The following ATP5F1B variants were observed in gnomAD, a reference collection of about 807,000 sequenced individuals.
The protein encoded by ATP5F1B is ATP synthase F(1) complex subunit beta, mitochondrial.
Under a neutral mutation model 45.9 loss-of-function variants are expected in ATP5F1B, and 17 were observed. That is an observed-to-expected ratio of 0.37 (90% CI 0.25 to 0.56). The LOEUF is 0.56. Among genes scored for constraint, ATP5F1B ranks in the 20% least tolerant of loss-of-function variants. The pLI is 0.80. For missense variants in ATP5F1B, 387 were observed against 673.2 expected (o/e 0.57, Z 4.70); for synonymous variants, 218 against 256.5 (o/e 0.85, Z 1.43).
At chr12:56,642,394 T>G in intron 7 of ATP5F1B, 64 bp downstream of exon 7, 2 of 1,600,838 alleles carry the variant, frequency 1.2e-6, no homozygotes, top group Non-Finnish European at 1.7e-6. Context: ...CCTCAGTAGC[T>G]GAGATGCACC....
At position 56,643,908 on chromosome 12, in the gene ATP5F1B, T is replaced by G; in HGVS notation, c.536A>C (p.Glu179Ala). ...EAPEFMEMSVEQEILVTGIKV... is the reference protein window; with the variant it reads ...EAPEFMEMSVAQEILVTGIKV... ...GATACCAGTCACCAGAATTTCCTGC[T>G]CAACACTCATTTCCATGAACTCTGG... Residue 179 changes from glutamate to alanine, a missense_variant, in exon 4 of 10, where the codon GAG (glutamate) becomes GCG (alanine). Physicochemically the swap from Glu to Ala is moderately radical, Grantham distance 107. Transcript: ENST00000262030. The G allele has an allele frequency of 6.2e-7, 1 of 1,614,208 alleles. No homozygotes were observed. The highest frequency in any genetic ancestry group is 8.5e-7 in the Non-Finnish European group (1 of 1,180,034).
At position 56,640,231 on chromosome 12, in the gene ATP5F1B, A is replaced by AAT. The variant is rs1951501972; in HGVS notation, c.1075-40_1075-39insAT. The AAT allele has an allele frequency of 3.7e-6, 5 of 1,367,956 alleles. No homozygotes were observed. In the East Asian group the frequency reaches 7.7e-5, roughly 21 times the overall value. The allele number at this position is 1,367,956 out of a possible 1,614,324, so 84.7% of individuals were successfully genotyped here. On this transcript the variant is annotated intron_variant, in intron 7 of 9. Coordinates refer to ENST00000262030, the MANE Select transcript of ATP5F1B (RefSeq NM_001686.4). ...CCATGAAGAACAGGAACCAAAGTAAATTTTTTTTTTTTTTTTTGAGAGGGT... is the reference window on the plus strand; with the variant it reads ...CCATGAAGAACAGGAACCAAAGTAAAATTTTTTTTTTTTTTTTTTGAGAGGGT...
intron 5 of ATP5F1B, 166 bp downstream of exon 5, chr12:56,643,237 A>T: frequency 1.8e-6 from 1 of 559,060 alleles, no homozygotes. Flanking sequence ...GTTGGGGGGG[A>T]AAACACTAAC....
In ATP5F1B at chr12:56,640,138, C is replaced by T. The variant is rs943527181; in HGVS notation, c.1129G>A (p.Ala377Thr). Residue 377 changes from alanine to threonine, a missense_variant, in exon 8 of 10, where the codon GCC becomes ACC. Ala to Thr is a moderately conservative substitution (Grantham distance 58). This residue lies in a region of ATP5F1B where 154 missense variants were observed against 361.4 expected (regional missense o/e 0.43). Transcript: ENST00000262030. Reference sequence around the variant, plus strand: ...AGTACAGTGGTAGCATCCAAATGGGCAAACGTAGTAGCAGGGGCAGGGTCA... The same window carrying T: ...AGTACAGTGGTAGCATCCAAATGGGTAAACGTAGTAGCAGGGGCAGGGTCA... ...LTDPAPATTFAHLDATTVLSR... is the reference protein window; with the variant it reads ...LTDPAPATTFTHLDATTVLSR... 6.2e-7 allele frequency: 1 copy of T among 1,613,910 alleles called. No homozygotes were observed. The highest frequency in any genetic ancestry group is 1.7e-5 in the Admixed American group (1 of 59,986).
At chr12:56,641,643 C>T (rs1951512851) in intron 7 of ATP5F1B, among the ~76,000 whole-genome samples, 1 of 151,892 alleles carries the variant, frequency 6.6e-6, no homozygotes, top group Admixed American at 6.6e-5. Context: ...CTCCGCCTCC[C>T]AGGTTCAAGC....
chr12:56,638,670 C>T (rs1274340351), intron 9 of ATP5F1B, among the ~76,000 whole-genome samples: 1 of 152,122 alleles, frequency 6.6e-6, no homozygotes, highest in South Asian at 2.1e-4. Context: ...CCAAGGCAGG[C>T]GGATCACCTA....
intron 7 of ATP5F1B, 95 bp downstream of exon 7, chr12:56,642,359 TCAAG>T: frequency 6.5e-7 from 1 of 1,530,212 alleles, no homozygotes; most frequent in Non-Finnish European, 8.9e-7. Flanking sequence ...TCTCTTGGGC[TCAAG>T]CAATCTTCCT....
At position 56,644,705 on chromosome 12, in the gene ATP5F1B, G is replaced by C. The variant is rs1951537482; in HGVS notation, c.485+76C>G. 2.0e-6 allele frequency: 3 copies of C among 1,474,626 alleles called. No individual in the cohort carries two copies. The East Asian group carries it at 6.9e-5, about 34-fold the overall frequency. The allele number at this position is 1,474,626 out of a possible 1,614,324, so 91.3% of individuals were successfully genotyped here. A position where few individuals can be genotyped will look rare whatever the true frequency, so the allele number is the denominator to read the frequency against. On this transcript the variant is annotated intron_variant, in intron 3 of 9. Coordinates refer to ENST00000262030, the MANE Select transcript of ATP5F1B (RefSeq NM_001686.4). ...TCAGAAGAAAAATTCTGCTTTAGGAGAACATGTCACCTTAATGTGTAAAAC... is the reference window on the plus strand; with the variant it reads ...TCAGAAGAAAAATTCTGCTTTAGGACAACATGTCACCTTAATGTGTAAAAC...
chr12:56,645,006 A>T, intron 2 of ATP5F1B, 51 bp from the exon 3 acceptor site: 1 of 1,613,660 alleles, frequency 6.2e-7, no homozygotes, highest in Non-Finnish European at 8.5e-7. Flanking sequence ...ATTGGTATCA[A>T]GACCTAAATC....
At position 56,642,486 on chromosome 12, in the gene ATP5F1B, G is replaced by T; in HGVS notation, c.1046C>A (p.Thr349Asn). The stretch of plus-strand genomic sequence containing the variant: ...TACAGAGGTGATAGATCCCTTCTTG[G>T]TAGTGGTAATTCTTTCCTGCATAGT... The part of the protein sequence containing the change: ...MGTMQERITT[T>N]KKGSITSVQA... The change falls in exon 7 of 10, where the codon ACC becomes AAC. Residue 349 changes from threonine to asparagine, a missense_variant. By Grantham distance (65) the Thr-to-Asn change is moderately conservative. This residue lies in a region of ATP5F1B where 154 missense variants were observed against 361.4 expected (regional missense o/e 0.43). Transcript: ENST00000262030. 2.5e-6 allele frequency: 4 copies of T among 1,613,986 alleles called. No homozygotes were observed. The highest frequency in any genetic ancestry group is 1.1e-5 in the South Asian group (1 of 91,062).
chr12:56,643,982 GTATCTAT>G, intron 3 of ATP5F1B, 24 bp from the exon 4 acceptor site: 1 of 1,610,976 alleles, frequency 6.2e-7, no homozygotes, highest in Non-Finnish European at 8.5e-7. Context: ...AGAGAGGATA[GTATCTAT>G]TCACCTTGTT....
intron 4 of ATP5F1B, 67 bp from the exon 5 acceptor site, chr12:56,643,654 A>G (rs781130847): frequency 1.3e-5 from 21 of 1,600,170 alleles, no homozygotes; most frequent in Admixed American, 1.7e-5. Flanking sequence ...ACTTCAAAAA[A>G]AGTAATTGCT....
Position 56,643,606 on chromosome 12 carries a change from A to G in ATP5F1B, c.608-19T>C, listed in dbSNP as rs199945966. 9.9e-6 allele frequency: 16 copies of G among 1,613,488 alleles called. No individual in the cohort carries two copies. The East Asian group carries it at 3.1e-4, about 31-fold the overall frequency. ...AAAAGCCCTATAAGAGGTTGAAAAG[A>G]AAGAATATTTAAGAGTTCTGCTTTC... On this transcript the variant is annotated intron_variant, in intron 4 of 9. Transcript: ENST00000262030.
chr12:56,641,058 A>C (rs898733017), intron 7 of ATP5F1B, among the ~76,000 whole-genome samples: 3 of 150,686 alleles, frequency 2.0e-5, no homozygotes, highest in African/African-American at 7.3e-5. Flanking sequence ...AATAAAAATT[A>C]AAAAAAATAA....
chr12:56,643,898 A>T lies in ATP5F1B; in HGVS notation c.546T>A (p.Ile182=). Residue 182 remains isoleucine (I), a synonymous_variant, in exon 4 of 10, where the codon ATT becomes ATA. Coordinates refer to ENST00000262030, the MANE Select transcript of ATP5F1B (RefSeq NM_001686.4). The part of the protein sequence containing the change: ...EFMEMSVEQE[I]LVTGIKVVDL... ...CGACAACCTTGATACCAGTCACCAG[A>T]ATTTCCTGCTCAACACTCATTTCCA... 6.2e-7 allele frequency: 1 copy of T among 1,614,200 alleles called. No individual in the cohort carries two copies. The highest frequency in any genetic ancestry group is 2.2e-5 in the East Asian group (1 of 44,882).
rs1951500522 is a variant in ATP5F1B at position 56,640,107 on chromosome 12, C to T, written c.1160G>A (p.Arg387His). The change falls in exon 8 of 10, where the codon CGT becomes CAT. Residue 387 changes from arginine (R) to histidine (H), a missense_variant. Physicochemically the swap from Arg to His is conservative, Grantham distance 29. Coordinates refer to ENST00000262030, the MANE Select transcript of ATP5F1B (RefSeq NM_001686.4). ...ATAGATGCCCAGCTCAGCAATGGCA[C>T]GCGACAGTACAGTGGTAGCATCCAA... is the stretch of plus-strand genomic sequence containing the variant. The part of the protein sequence containing the change: ...AHLDATTVLS[R>H]AIAELGIYPA... 6.2e-7 allele frequency: 1 copy of T among 1,613,998 alleles called. No individual in the cohort carries two copies. The highest frequency in any genetic ancestry group is 8.5e-7 in the Non-Finnish European group (1 of 1,180,024).
At position 56,639,389 on chromosome 12, in the gene ATP5F1B, G is replaced by C. The variant is rs904021336; in HGVS notation, c.1288-82C>G. ...TAACAAAGGGAAAGTTACATGCTAG[G>C]GGGCAGAGAAGGTGGTGGTGTTATG... On this transcript the variant is annotated intron_variant, in intron 8 of 9. Transcript: ENST00000262030. 9 of 1,340,736 alleles carry C rather than the reference G, an allele frequency of 6.7e-6. No homozygotes were observed. In the South Asian group the frequency reaches 9.9e-5, roughly 15 times the overall value. The allele number at this position is 1,340,736 out of a possible 1,614,324, so 83.1% of individuals were successfully genotyped here. A position where few individuals can be genotyped will look rare whatever the true frequency, so the allele number is the denominator to read the frequency against.
chr12:56,645,052 C>T (rs760854243), intron 2 of ATP5F1B, 97 bp from the exon 3 acceptor site: 7 of 1,605,938 alleles, frequency 4.4e-6, no homozygotes, highest in Non-Finnish European at 6.0e-6. Flanking sequence ...AATGTGGCTT[C>T]AGCAAACTCA....
chr12:56,638,306 C>A lies in ATP5F1B; in HGVS notation c.*17G>T. ...GTTAGGGGCAAGGAGAGAGACAGTA[C>A]AGAGGACAAAGACCCCTCACGATGA... On this transcript the variant is annotated 3_prime_UTR_variant, in exon 10 of 10. Transcript: ENST00000262030. 1 of 1,606,786 alleles carries A rather than the reference C, an allele frequency of 6.2e-7. No individual in the cohort carries two copies. The highest frequency in any genetic ancestry group is 8.5e-7 in the Non-Finnish European group (1 of 1,173,740).
Sources: gnomAD v4.1 joint callset for allele counts (sites outside exome capture counted in the v4.1 genomes callset) on GRCh38, gnomAD v4.1.1 for gene constraint, gnomAD v4.1.1 regional missense constraint, MANE v1.5 for transcripts, NCBI Gene and HGNC (gene_info 2026-07-23, HGNC 2026-07-21) for gene names.